Variants in UTP18 observed in about 807,000 individuals in gnomAD.
The protein encoded by UTP18 is UTP18 small subunit processome component, also known as U3 small nucleolar RNA-associated protein 18 homolog.
Under a neutral mutation model 61.1 loss-of-function variants are expected in UTP18, and 36 were observed. The observed-to-expected ratio is 0.59, with a 90% CI of 0.45 to 0.78. The LOEUF is 0.78. UTP18 is among the 30% of genes least tolerant of loss of function. The pLI is 0.00. For missense variants in UTP18, 753 were observed against 693.9 expected (o/e 1.09, Z -0.96); for synonymous variants, 282 against 251.1 (o/e 1.12, Z -1.16).
chr17:51,277,329 AACCAGTCATTCCCCCCAAGGTGAGTT>A, intron 7 of UTP18, 25 bp downstream of exon 7: 1 of 1,610,462 alleles, frequency 6.2e-7, no homozygotes. Context: ...GAATGCACAC[AACCAGTCATTCCCCCCAAGGTGAGTT>A]TATGTAACAG....
intron 11 of UTP18, among the ~76,000 whole-genome samples, chr17:51,289,773 T>C (rs1199106733): frequency 6.6e-6 from 1 of 152,238 alleles, no homozygotes; most frequent in Non-Finnish European, 1.5e-5. Flanking sequence ...TTGTGCTCAC[T>C]TGGCAAAAAG....
At chr17:51,270,282 T>C (rs78308324) in intron 4 of UTP18, among the ~76,000 whole-genome samples, 97 of 152,370 alleles carry the variant, frequency 6.4e-4, no homozygotes, top group African/African-American at 2.2e-3. Context: ...TTTTCTCTCA[T>C]TTGGGAAGCC....
In UTP18 at chr17:51,260,576, A is replaced by C; in HGVS notation, c.-9A>C. 6.2e-7 allele frequency: 1 copy of C among 1,611,056 alleles called. No homozygotes were observed. Among genetic ancestry groups the C allele is most frequent in the Non-Finnish European group, 8.5e-7 (1 of 1,179,204 alleles). On this transcript the variant is annotated 5_prime_UTR_variant, in exon 1 of 14. Transcript: ENST00000225298. ...ACGTGAGCGCCTGCGTTTCTCCTCA[A>C]ACCTAACGATGCCGCCGGAGCGGAG...
At chr17:51,279,895 AT>A in intron 7 of UTP18, 109 bp from the exon 8 acceptor site, 1 of 909,202 alleles carries the variant, frequency 1.1e-6, no homozygotes, top group Non-Finnish European at 1.7e-6. Flanking sequence ...GTTTTGTTTA[AT>A]TTGAGCCACT....
intron 7 of UTP18, among the ~76,000 whole-genome samples, chr17:51,279,170 A>G (rs925566083): frequency 6.6e-6 from 1 of 152,214 alleles, no homozygotes; most frequent in African/African-American, 2.4e-5. Flanking sequence ...GTAGAAATGA[A>G]TGGATAGTGA....
intron 3 of UTP18, among the ~76,000 whole-genome samples, chr17:51,267,461 G>GTT (rs199741655): frequency 6.5e-4 from 92 of 141,598 alleles, no homozygotes; most frequent in Non-Finnish European, 7.8e-4. Context: ...TTTTTTTTTG[G>GTT]TTTTTTTTTT....
chr17:51,293,630 G>A (rs1905287950), intron 11 of UTP18, among the ~76,000 whole-genome samples: 1 of 152,030 alleles, frequency 6.6e-6, no homozygotes, highest in Admixed American at 6.6e-5. Flanking sequence ...CACCATTGGA[G>A]TGATGGTGAC....
chr17:51,281,588 G>T (rs1168684436), intron 9 of UTP18, among the ~76,000 whole-genome samples: 1 of 152,134 alleles, frequency 6.6e-6, no homozygotes. Flanking sequence ...TTGAGGGCAG[G>T]AGAGAAGTGG....
rs1904678777 is a variant in UTP18, at chr17:51,275,270, GT to G, written c.712-591del. Reference sequence around the variant, plus strand: ...GGTTACAAACAAAACACATACTTTTGTTTTTAACTGAATTTTAAAAATTCAA... The same window carrying G: ...GGTTACAAACAAAACACATACTTTTGTTTTAACTGAATTTTAAAAATTCAA... On this transcript the variant is annotated intron_variant, in intron 5 of 13. Transcript: ENST00000225298. Among the ~76,000 whole-genome samples, 3 of 149,772 alleles carry G rather than the reference GT, an allele frequency of 2.0e-5. No individual in the cohort carries two copies. In the South Asian group the frequency reaches 6.4e-4, roughly 32 times the overall value.
intron 12 of UTP18, among the ~76,000 whole-genome samples, chr17:51,295,331 A>G (rs1013166862): frequency 3.3e-5 from 5 of 152,054 alleles, no homozygotes; most frequent in Non-Finnish European, 7.4e-5. Context: ...TTATGGTTTT[A>G]GGTCTAACAT....
intron 1 of UTP18, 106 bp from the exon 2 acceptor site, chr17:51,263,168 G>C (rs1334149076): frequency 1.2e-6 from 1 of 837,754 alleles, no homozygotes; most frequent in Non-Finnish European, 1.9e-6. Context: ...TTTCATCAGA[G>C]AGTGGTAGAA....
chr17:51,277,148 C>G lies in UTP18; in HGVS notation c.856C>G (p.Pro286Ala). The G allele has an allele frequency of 6.2e-7, 1 of 1,613,836 alleles. No homozygotes were observed. Among genetic ancestry groups the G allele is most frequent in the Non-Finnish European group, 8.5e-7 (1 of 1,179,906 alleles). Residue 286 changes from proline to alanine, a missense_variant, in exon 7 of 14, where the codon CCT becomes GCT. Transcript: ENST00000225298. Reference protein sequence around the residue: ...SLFQVDGKTNPKIQSIYLERF... With the variant: ...SLFQVDGKTNAKIQSIYLERF... ...TTTATAGGTTGATGGGAAAACAAATCCTAAAATTCAGAGCATCTATTTGGA... is the reference window on the plus strand; with the variant it reads ...TTTATAGGTTGATGGGAAAACAAATGCTAAAATTCAGAGCATCTATTTGGA...
At chr17:51,274,958 G>A (rs1455710567) in intron 5 of UTP18, among the ~76,000 whole-genome samples, 1 of 151,812 alleles carries the variant, frequency 6.6e-6, no homozygotes, top group African/African-American at 2.4e-5. Flanking sequence ...AGCACTTTGG[G>A]AGGCCGAGGC....
chr17:51,265,558 C>T (rs867867260), intron 2 of UTP18, among the ~76,000 whole-genome samples: 52 of 124,798 alleles, frequency 4.2e-4, no homozygotes, highest in Non-Finnish European at 2.1e-4. Flanking sequence ...CCACCGTGCC[C>T]GGCCTTTTTT....
intron 5 of UTP18, among the ~76,000 whole-genome samples, chr17:51,273,851 C>T (rs993311465): frequency 6.6e-6 from 1 of 152,156 alleles, no homozygotes; most frequent in Non-Finnish European, 1.5e-5. Flanking sequence ...CTGCTGTCAT[C>T]TCTTATCTGG....
chr17:51,293,855 A>T (rs892449463), intron 11 of UTP18, 48 bp from the exon 12 acceptor site: 27 of 1,411,894 alleles, frequency 1.9e-5, no homozygotes, highest in Non-Finnish European at 2.4e-5. Flanking sequence ...TTTAAGAAAC[A>T]TGAGCTCCCA....
At chr17:51,274,455 T>G (rs2144410636) in intron 5 of UTP18, among the ~76,000 whole-genome samples, 1 of 152,308 alleles carries the variant, frequency 6.6e-6, no homozygotes, top group East Asian at 1.9e-4. Flanking sequence ...TTTGTTTGTT[T>G]TTTTGAGACA....
Position 51,260,762 on chromosome 17 carries a change from G to A in UTP18, c.178G>A (p.Ala60Thr), listed in dbSNP as rs1011153068. 9.5e-6 allele frequency: 15 copies of A among 1,582,084 alleles called. No homozygotes were observed. Among genetic ancestry groups the A allele is most frequent in the Non-Finnish European group, 1.1e-5 (13 of 1,165,216 alleles). ...PPARPSAAAA[A>T]IAVAAAEEER... ...GGCCCGGCCGAGCGCGGCGGCCGCTGCGATTGCAGTCGCGGCGGCGGAGGA... is the reference window on the plus strand; with the variant it reads ...GGCCCGGCCGAGCGCGGCGGCCGCTACGATTGCAGTCGCGGCGGCGGAGGA... Residue 60 changes from alanine to threonine, a missense_variant, in exon 1 of 14, where the codon GCG becomes ACG. Transcript: ENST00000225298.
intron 11 of UTP18, among the ~76,000 whole-genome samples, chr17:51,290,855 AC>A (rs1281367861): frequency 6.6e-6 from 1 of 152,262 alleles, no homozygotes; most frequent in Non-Finnish European, 1.5e-5. Flanking sequence ...CTTGTAAAAA[AC>A]ATTGTTAGCA....
Sources: allele counts gnomAD v4.1 joint callset (sites outside exome capture counted in the v4.1 genomes callset), GRCh38; gene constraint gnomAD v4.1.1; transcripts MANE v1.5; gene names NCBI Gene and HGNC (gene_info 2026-07-23, HGNC 2026-07-21).